TYSND1: variants seen among roughly 807,000 people sequenced by gnomAD.
TYSND1 encodes peroxisomal leader peptide-processing protease.
TYSND1 carries 30 observed loss-of-function variants against 37.2 expected under a neutral mutation model. The ratio of observed to expected loss-of-function variants is 0.81; its 90% CI spans 0.60 to 1.09. The LOEUF is 1.09. Ranked by LOEUF, TYSND1 falls within the 50% of genes least tolerant of loss-of-function variation. The probability of loss-of-function intolerance (pLI) is 0.00; values close to 1 mark genes in which losing one functional copy is unlikely to be tolerated. For missense variants in TYSND1, 806 were observed against 817.4 expected (o/e 0.99, Z 0.17); for synonymous variants, 364 against 383.8 (o/e 0.95, Z 0.60).
At position 70,146,445 on chromosome 10, in the gene TYSND1, A is replaced by G. The variant is rs376485193; in HGVS notation, c.142T>C (p.Cys48Arg). The change falls in exon 1 of 4, where the codon TGC (cysteine) becomes CGC (arginine). Residue 48 changes from cysteine (C) to arginine (R), a missense_variant. Coordinates refer to ENST00000287078, the MANE Select transcript of TYSND1 (RefSeq NM_173555.4). ...AAGGGGACGAAGATGCCCCCGTGGC[A>G]AAGCACCAGGCCCGGGCTACGGCTC... is the stretch of plus-strand genomic sequence containing the variant. ...ILSRSPGLVL[C>R]HGGIFVPFLR... 6.2e-7 allele frequency: 1 copy of G among 1,603,802 alleles called. No individual in the cohort carries two copies. Among genetic ancestry groups the G allele is most frequent in the Non-Finnish European group, 8.5e-7 (1 of 1,178,730 alleles).
rs771946558 is a variant in TYSND1 at position 70,145,570 on chromosome 10, G to A, written c.1017C>T (p.Ser339=). The A allele has an allele frequency of 4.7e-5, 70 of 1,482,034 alleles. No homozygotes were observed. In the South Asian group the frequency reaches 8.1e-4, roughly 17 times the overall value. The allele number at this position is 1,482,034 out of a possible 1,614,324, so 91.8% of individuals were successfully genotyped here. Reference sequence around the variant, plus strand: ...CTGCCGCGGCTGCCCACAGGGGCCCGGAGTCTCGGAGGGGCAGACCCCACG... The same window carrying A: ...CTGCCGCGGCTGCCCACAGGGGCCCAGAGTCTCGGAGGGGCAGACCCCACG... ...GVPWGLPLRD[S]GPLWAAAAVL... is the part of the protein sequence containing the mutation. The change falls in exon 1 of 4, where the codon TCC becomes TCT. Residue 339 remains serine, a synonymous_variant. Transcript: ENST00000287078.
rs1217917674 is a variant in TYSND1 at position 70,145,742 on chromosome 10, G to GGCGCCACCACCA, written c.833_844dup (p.Leu278_Ala281dup). The GGCGCCACCACCA allele has an allele frequency of 2.8e-6, 4 of 1,428,286 alleles. No homozygotes were observed. The highest frequency in any genetic ancestry group is 2.9e-5 in the Admixed American group (1 of 34,420). 88.5% of individuals were successfully genotyped at this position (1,428,286 alleles called of 1,614,324 possible). A position where few individuals can be genotyped will look rare whatever the true frequency, so the allele number is the denominator to read the frequency against. On this transcript the variant is annotated inframe_insertion, in exon 1 of 4. Coordinates refer to ENST00000287078, the MANE Select transcript of TYSND1 (RefSeq NM_173555.4). ...CCATTCGCCGGCCTTCCAACAGAGC[G>GGCGCCACCACCA]GCGCCACCACCAGCGCCACCAGCGC... is the stretch of plus-strand genomic sequence containing the variant.
intron 3 of TYSND1, among the ~76,000 whole-genome samples, chr10:70,140,905 C>T (rs527288936): frequency 3.3e-5 from 5 of 152,140 alleles, no homozygotes; most frequent in African/African-American, 1.2e-4. Flanking sequence ...GTCAGTTCCT[C>T]AGTCTTTCCT....
At position 70,143,868 on chromosome 10, in the gene TYSND1, G is replaced by A. The variant is rs751173874; in HGVS notation, c.1271C>T (p.Pro424Leu). The A allele has an allele frequency of 1.5e-5, 25 of 1,614,200 alleles. No homozygotes were observed. Among genetic ancestry groups the A allele is most frequent in the Middle Eastern group, 1.6e-4 (1 of 6,062 alleles). Residue 424 changes from proline to leucine, a missense_variant, in exon 2 of 4, where the codon CCT (proline) becomes CTT (leucine). This residue lies in a region of TYSND1 where 708 missense variants were observed against 705.4 expected (regional missense o/e 1.00). Coordinates refer to ENST00000287078, the MANE Select transcript of TYSND1 (RefSeq NM_173555.4). The part of the protein sequence containing the change: ...LEEDLDDVPI[P>L]VPAEHFHEGE... ...TTCATGGAAGTGCTCAGCGGGCACA[G>A]GGATGGGGACATCATCCAGGTCCTC...
intron 3 of TYSND1, among the ~76,000 whole-genome samples, chr10:70,141,951 A>G (rs927187400): frequency 6.6e-6 from 1 of 152,168 alleles, no homozygotes; most frequent in African/African-American, 2.4e-5. Flanking sequence ...GAGGAAATAT[A>G]CTAAAGTTAT....
At chr10:70,144,674 G>C in intron 1 of TYSND1, 1 of 985,956 alleles carries the variant, frequency 1.0e-6, no homozygotes, top group Non-Finnish European at 1.2e-6. Flanking sequence ...GGCATGTGGG[G>C]GGAGTGGAAG....
rs71472947 is a variant in TYSND1, at chr10:70,146,645, A to AC, written c.-60dup. Reference sequence around the variant, plus strand: ...AGAAACAGCAAGCTAGCGAGCGAGGACCCCTACCCGGTCCGGCTGAAGCTG... The same window carrying AC: ...AGAAACAGCAAGCTAGCGAGCGAGGACCCCCTACCCGGTCCGGCTGAAGCTG... On this transcript the variant is annotated 5_prime_UTR_variant, in exon 1 of 4. Coordinates refer to ENST00000287078, the MANE Select transcript of TYSND1 (RefSeq NM_173555.4). The AC allele has an allele frequency of 4.9e-3, 6,939 of 1,419,498 alleles. 21 individuals are homozygous for AC. The highest frequency in any genetic ancestry group is 5.8e-3 in the Non-Finnish European group (6,299 of 1,089,076). The allele number at this position is 1,419,498 out of a possible 1,614,324, so 87.9% of individuals were successfully genotyped here. A position where few individuals can be genotyped will look rare whatever the true frequency, so the allele number is the denominator to read the frequency against.
In TYSND1 at chr10:70,146,513, C is replaced by T. The variant is rs753631832; in HGVS notation, c.74G>A (p.Gly25Glu). The change falls in exon 1 of 4, where the codon GGA becomes GAA. Residue 25 changes from glycine to glutamate, a missense_variant. By Grantham distance (98) the Gly-to-Glu change is moderately conservative. Around this residue, in one of 3 missense-constraint regions of TYSND1, gnomAD observed 84 missense variants for 79.0 expected, o/e 1.06. Transcript: ENST00000287078. ...AGCMVSASRA[G>E]QPEAGPWSCS... ...GCTCCACGGGCCCGCCTCGGGCTGT[C>T]CGGCCCGGGAGGCGCTCACCATGCA... The T allele has an allele frequency of 2.5e-6, 4 of 1,589,696 alleles. No individual in the cohort carries two copies. In the African/African-American group the frequency reaches 5.4e-5, roughly 21 times the overall value.
Position 70,145,425 on chromosome 10 carries a change from GGGT to G in TYSND1, c.1159_1161del (p.Thr387del), listed in dbSNP as rs1263705365. 4 of 1,432,034 alleles carry G rather than the reference GGGT, an allele frequency of 2.8e-6. No homozygotes were observed. Among genetic ancestry groups the G allele is most frequent in the Non-Finnish European group, 3.7e-6 (4 of 1,091,828 alleles). The allele number at this position is 1,432,034 out of a possible 1,614,324, so 88.7% of individuals were successfully genotyped here. On this transcript the variant is annotated inframe_deletion, in exon 1 of 4. Coordinates refer to ENST00000287078, the MANE Select transcript of TYSND1 (RefSeq NM_173555.4). Reference sequence around the variant, plus strand: ...GCGTCAGCCCTGCGGGCTTACTTGGGGGTGGTGGAGCGCACCAGGACCCTGGCT... The same window carrying G: ...GCGTCAGCCCTGCGGGCTTACTTGGGGGTGGAGCGCACCAGGACCCTGGCT...
At chr10:70,144,473 C>G (rs2072844071) in intron 1 of TYSND1, 1 of 994,126 alleles carries the variant, frequency 1.0e-6, no homozygotes. Context: ...CTCTGGGTCC[C>G]TATTTACGTA....
rs766050272 is a variant in TYSND1 at position 70,143,866 on chromosome 10, C to T, written c.1273G>A (p.Val425Met). 4.3e-6 allele frequency: 7 copies of T among 1,614,090 alleles called. No homozygotes were observed. In the African/African-American group the frequency reaches 9.3e-5, roughly 22 times the overall value. ...CCTTCATGGAAGTGCTCAGCGGGCA[C>T]AGGGATGGGGACATCATCCAGGTCC... ...EEDLDDVPIP[V>M]PAEHFHEGEA... The change falls in exon 2 of 4, where the codon GTG (valine) becomes ATG (methionine). Residue 425 changes from valine to methionine, a missense_variant. Transcript: ENST00000287078.
At chr10:70,142,123 A>G (rs2072787010) in intron 3 of TYSND1, among the ~76,000 whole-genome samples, 3 of 137,704 alleles carry the variant, frequency 2.2e-5, no homozygotes, top group South Asian at 2.3e-4. Context: ...TTTCTTTTTG[A>G]CAGCTAAACA....
chr10:70,142,829 A>G lies in TYSND1; in HGVS notation c.1322T>C (p.Phe441Ser). The change falls in exon 3 of 4, where the codon TTT becomes TCT. Residue 441 changes from phenylalanine to serine, a missense_variant. Phe to Ser is a radical substitution (Grantham distance 155). Coordinates refer to ENST00000287078, the MANE Select transcript of TYSND1 (RefSeq NM_173555.4). Reference sequence around the variant, plus strand: ...CCCGCAAGACTGGCCAAAGACGCCAAAGCCCACCACACTCACAGCCTCGCC... The same window carrying G: ...CCCGCAAGACTGGCCAAAGACGCCAGAGCCCACCACACTCACAGCCTCGCC... ...HEGEAVSVVG[F>S]GVFGQSCGPS... The G allele has an allele frequency of 6.2e-7, 1 of 1,613,998 alleles. No individual in the cohort carries two copies.
chr10:70,144,443 G>C (rs1046607631), intron 1 of TYSND1: 1 of 997,172 alleles, frequency 1.0e-6, no homozygotes. Flanking sequence ...TGGTGGGTCA[G>C]ATATGACATG....
In TYSND1 at chr10:70,145,463, G is replaced by A. The variant is rs1356361753; in HGVS notation, c.1124C>T (p.Pro375Leu). Residue 375 changes from proline to leucine, a missense_variant, in exon 1 of 4, where the codon CCT (proline) becomes CTT (leucine). Coordinates refer to ENST00000287078, the MANE Select transcript of TYSND1 (RefSeq NM_173555.4). ...CACCAGGACCCTGGCTGCTTCCCGA[G>A]GGGACACGTGCCGACAGGTCACTAC... is the stretch of plus-strand genomic sequence containing the variant. ...RLVVTCRHVSPREAARVLVRS... is the reference protein window; with the variant it reads ...RLVVTCRHVSLREAARVLVRS... 2 of 1,481,280 alleles carry A rather than the reference G, an allele frequency of 1.4e-6. No homozygotes were observed. The highest frequency in any genetic ancestry group is 1.4e-5 in the South Asian group (1 of 73,952). The allele number at this position is 1,481,280 out of a possible 1,614,324, so 91.8% of individuals were successfully genotyped here. A position where few individuals can be genotyped will look rare whatever the true frequency, so the allele number is the denominator to read the frequency against.
chr10:70,143,876 G>A lies in TYSND1; in HGVS notation c.1263C>T (p.Val421=). The A allele has an allele frequency of 6.2e-7, 1 of 1,614,202 alleles. No homozygotes were observed. Among genetic ancestry groups the A allele is most frequent in the Non-Finnish European group, 8.5e-7 (1 of 1,180,034 alleles). The part of the protein sequence containing the change: ...VVSLEEDLDD[V]PIPVPAEHFH... ...AGTGCTCAGCGGGCACAGGGATGGGGACATCATCCAGGTCCTCCTCCAGGC... is the reference window on the plus strand; with the variant it reads ...AGTGCTCAGCGGGCACAGGGATGGGAACATCATCCAGGTCCTCCTCCAGGC... Residue 421 remains valine (V), a synonymous_variant, in exon 2 of 4, where the codon GTC becomes GTT. Transcript: ENST00000287078.
At position 70,141,390 on chromosome 10, in the gene TYSND1, G is replaced by A. The variant is rs578226776; in HGVS notation, c.1484-1249C>T. Among the ~76,000 whole-genome samples, 7 of 152,184 alleles carry A rather than the reference G, an allele frequency of 4.6e-5. No individual in the cohort carries two copies. In the South Asian group the frequency reaches 1.0e-3, roughly 23 times the overall value. ...TCTTCCCACTTCAGATTCCTGCAGA[G>A]CCAGGACTACAGGCACATACCACCA... On this transcript the variant is annotated intron_variant, in intron 3 of 3. Coordinates refer to ENST00000287078, the MANE Select transcript of TYSND1 (RefSeq NM_173555.4).
At chr10:70,140,341 A>G (rs2072747093) in intron 3 of TYSND1, among the ~76,000 whole-genome samples, 200 bp from the exon 4 acceptor site, 1 of 151,952 alleles carries the variant, frequency 6.6e-6, no homozygotes, top group Non-Finnish European at 1.5e-5. Flanking sequence ...TCTCCTTAAC[A>G]CTCTCAAAAT....
Position 70,146,399 on chromosome 10 carries a change from A to G in TYSND1, c.188T>C (p.Val63Ala), listed in dbSNP as rs1165888643. The G allele has an allele frequency of 6.3e-7, 1 of 1,591,828 alleles. No homozygotes were observed. The highest frequency in any genetic ancestry group is 8.5e-7 in the Non-Finnish European group (1 of 1,174,374). ...GAAGACGGCGCCGGCCGCGGTCAGGACTTCGCTGCCAGCTCGCAGGAAGGG... is the reference window on the plus strand; with the variant it reads ...GAAGACGGCGCCGGCCGCGGTCAGGGCTTCGCTGCCAGCTCGCAGGAAGGG... ...FVPFLRAGSEVLTAAGAVFLP... is the reference protein window; with the variant it reads ...FVPFLRAGSEALTAAGAVFLP... Residue 63 changes from valine (V) to alanine (A), a missense_variant, in exon 1 of 4, where the codon GTC becomes GCC. By Grantham distance (64) the Val-to-Ala change is moderately conservative (BLOSUM62 0). This residue lies in a region of TYSND1 where 14 missense variants were observed against 33.0 expected (regional missense o/e 0.42). Transcript: ENST00000287078.
Sources: allele counts gnomAD v4.1 joint callset (sites outside exome capture counted in the v4.1 genomes callset), GRCh38; gene constraint gnomAD v4.1.1; regional missense constraint gnomAD v4.1.1; transcripts MANE v1.5; gene names NCBI Gene and HGNC (gene_info 2026-07-23, HGNC 2026-07-21).